Variants in CDKAL1 observed in about 807,000 individuals in gnomAD.
The protein encoded by CDKAL1 is CDKAL1 threonylcarbamoyladenosine tRNA methylthiotransferase.
A neutral mutation model predicts 68.2 loss-of-function variants in CDKAL1; 32 were observed. The observed-to-expected ratio is 0.47, with a 90% CI of 0.35 to 0.63. CDKAL1 has a LOEUF of 0.63. Ranked by LOEUF, CDKAL1 falls within the 30% of genes least tolerant of loss-of-function variation. The pLI is 0.00. For missense variants in CDKAL1, 606 were observed against 696.7 expected (o/e 0.87, Z 1.47); for synonymous variants, 234 against 244.3 (o/e 0.96, Z 0.39).
intron 9 of CDKAL1, among the ~76,000 whole-genome samples, chr6:20,881,160 G>A (rs192651237): frequency 6.2e-4 from 95 of 152,244 alleles, no homozygotes; most frequent in Admixed American, 1.7e-3. Context: ...CAGCACAGTC[G>A]CTTGGCTGGC....
At chr6:20,690,314 C>A (rs1770814470) in intron 5 of CDKAL1, among the ~76,000 whole-genome samples, 1 of 152,070 alleles carries the variant, frequency 6.6e-6, no homozygotes, top group Non-Finnish European at 1.5e-5. Flanking sequence ...TGTATTATAA[C>A]TGTCAAATAA....
intron 4 of CDKAL1, among the ~76,000 whole-genome samples, chr6:20,588,974 T>C (rs1765484317): frequency 6.6e-6 from 1 of 152,224 alleles, no homozygotes; most frequent in Non-Finnish European, 1.5e-5. Flanking sequence ...TTTTCATTTA[T>C]GGTTTTATGT....
At chr6:21,135,057 T>C (rs931511210) in intron 13 of CDKAL1, among the ~76,000 whole-genome samples, 28 of 152,268 alleles carry the variant, frequency 1.8e-4, no homozygotes, top group Admixed American at 1.6e-3. Flanking sequence ...CATGAACTAC[T>C]GATGTAGTTC....
chr6:20,645,768 A>G (rs927161539), intron 4 of CDKAL1, among the ~76,000 whole-genome samples: 1 of 148,840 alleles, frequency 6.7e-6, no homozygotes, highest in African/African-American at 2.5e-5. Context: ...ATAAATAAAT[A>G]ATTTTATTTT....
chr6:21,080,781 A>G (rs1772352948), intron 12 of CDKAL1, among the ~76,000 whole-genome samples: 1 of 152,152 alleles, frequency 6.6e-6, no homozygotes. Context: ...AGTGTAGACT[A>G]ACTTCGGGAT....
chr6:20,863,378 T>C (rs1310742160), intron 9 of CDKAL1, among the ~76,000 whole-genome samples: 1 of 152,212 alleles, frequency 6.6e-6, no homozygotes, highest in Non-Finnish European at 1.5e-5. Flanking sequence ...CAAAGTGATT[T>C]GTTTAGATGT....
At chr6:21,164,670 A>T (rs1313560545) in intron 13 of CDKAL1, among the ~76,000 whole-genome samples, 1 of 152,190 alleles carries the variant, frequency 6.6e-6, no homozygotes, top group Non-Finnish European at 1.5e-5. Context: ...AATTCTCAGC[A>T]TCAAAGATGA....
intron 4 of CDKAL1, among the ~76,000 whole-genome samples, chr6:20,598,854 T>G (rs1765956587): frequency 6.6e-6 from 1 of 152,178 alleles, no homozygotes; most frequent in South Asian, 2.1e-4. Flanking sequence ...CTTACTGAGT[T>G]ATTTTATTAT....
At chr6:20,854,440 C>T (rs1759213420) in intron 9 of CDKAL1, among the ~76,000 whole-genome samples, 1 of 152,184 alleles carries the variant, frequency 6.6e-6, no homozygotes, top group South Asian at 2.1e-4. Context: ...ATTTATTGAG[C>T]ATTCATTAGA....
intron 8 of CDKAL1, among the ~76,000 whole-genome samples, chr6:20,841,662 C>T (rs1778179267): frequency 6.6e-6 from 1 of 152,258 alleles, no homozygotes; most frequent in African/African-American, 2.4e-5. Context: ...TCATCCCAAC[C>T]CTTTGGGAGG....
rs184229313 is a variant in CDKAL1, at chr6:20,726,686, C to T, written c.372-12833C>T. ...AAGTCTCCAGCATAGACTGAAGGTGCTCTCTCTTTGAAGAGGAAAAGGACA... is the reference window on the plus strand; with the variant it reads ...AAGTCTCCAGCATAGACTGAAGGTGTTCTCTCTTTGAAGAGGAAAAGGACA... On this transcript the variant is annotated intron_variant, in intron 5 of 15. Transcript: ENST00000274695. Among the ~76,000 whole-genome samples, 415 of 152,240 alleles carry T rather than the reference C, an allele frequency of 2.7e-3. 3 individuals are homozygous for T. The highest frequency in any genetic ancestry group is 9.4e-3 in the African/African-American group (389 of 41,544).
chr6:20,563,192 A>G (rs557536120), intron 4 of CDKAL1, among the ~76,000 whole-genome samples: 12 of 152,372 alleles, frequency 7.9e-5, no homozygotes, highest in African/African-American at 2.2e-4. Flanking sequence ...TGAATCAAAG[A>G]TAAAGATAGA....
At chr6:20,907,455 T>C (rs979931839) in intron 9 of CDKAL1, among the ~76,000 whole-genome samples, 7 of 152,118 alleles carry the variant, frequency 4.6e-5, no homozygotes, top group African/African-American at 1.7e-4. Context: ...ATACATTTTA[T>C]GTTATATGGA....
intron 4 of CDKAL1, among the ~76,000 whole-genome samples, chr6:20,606,993 G>A (rs566148643): frequency 2.6e-4 from 40 of 152,248 alleles, no homozygotes; most frequent in Admixed American, 6.5e-4. Flanking sequence ...AGATTTTCAG[G>A]CTTATAGGGT....
chr6:21,088,655 T>G (rs1346797236), intron 12 of CDKAL1, among the ~76,000 whole-genome samples: 1 of 152,148 alleles, frequency 6.6e-6, no homozygotes, highest in Non-Finnish European at 1.5e-5. Flanking sequence ...AAAATTAATA[T>G]GATAGGCTGG....
At position 21,159,169 on chromosome 6, in the gene CDKAL1, G is replaced by C. The variant is rs1281681633; in HGVS notation, c.1300-38852G>C. Among the ~76,000 whole-genome samples the C allele has an allele frequency of 3.5e-5, 5 of 144,920 alleles. No individual in the cohort carries two copies. The South Asian group carries it at 1.1e-3, about 31-fold the overall frequency. On this transcript the variant is annotated intron_variant, in intron 13 of 15. Transcript: ENST00000274695. ...CTCATCAAAAAAAGCAGTTTCTATA[G>C]TATTCTTGAAAAATGAGTGTAATAG...
intron 11 of CDKAL1, among the ~76,000 whole-genome samples, chr6:21,006,350 CT>C (rs1374875447): frequency 1.3e-5 from 2 of 152,090 alleles, no homozygotes; most frequent in Non-Finnish European, 2.9e-5. Flanking sequence ...ATTATATTTT[CT>C]TCCAGATGCA....
chr6:20,811,788 A>T (rs1270154787), intron 8 of CDKAL1, among the ~76,000 whole-genome samples: 1 of 149,426 alleles, frequency 6.7e-6, no homozygotes, highest in Non-Finnish European at 1.5e-5. Flanking sequence ...CTAGTAGTAA[A>T]AAAAAAAAAA....
chr6:20,618,848 T>C (rs1158335591), intron 4 of CDKAL1, among the ~76,000 whole-genome samples: 7 of 152,014 alleles, frequency 4.6e-5, no homozygotes, highest in African/African-American at 1.7e-4. Context: ...CTACCTAATT[T>C]TTGTATTTTT....
Sources: allele counts gnomAD v4.1 joint callset (sites outside exome capture counted in the v4.1 genomes callset), GRCh38; gene constraint gnomAD v4.1.1; transcripts MANE v1.5; gene names NCBI Gene and HGNC (gene_info 2026-07-23, HGNC 2026-07-21).